The following MYLK variants were observed in gnomAD, a reference collection of about 807,000 sequenced individuals.
MYLK encodes the protein myosin light chain kinase, also known as myosin light chain kinase, smooth muscle.
A neutral mutation model predicts 203.4 loss-of-function variants in MYLK; 106 were observed. The observed-to-expected ratio is 0.52, with a 90% CI of 0.45 to 0.61. MYLK has a LOEUF of 0.61. MYLK is among the 20% of genes least tolerant of loss of function. The probability of loss-of-function intolerance (pLI) is 0.00; values close to 1 mark genes in which losing one functional copy is unlikely to be tolerated. For synonymous variants in MYLK, 867 were observed against 959.5 expected (o/e 0.90, Z 1.78); for missense variants, 2,072 against 2,442.3 (o/e 0.85, Z 3.20).
At chr3:123,726,781 G>A (rs546934345) in intron 11 of MYLK, among the ~76,000 whole-genome samples, 2 of 152,220 alleles carry the variant, frequency 1.3e-5, no homozygotes, top group South Asian at 4.2e-4. Context: ...TGAATTAGGG[G>A]ACATTTTCTA....
At chr3:123,758,193 C>G (rs1164926882) in intron 4 of MYLK, among the ~76,000 whole-genome samples, 2 of 152,150 alleles carry the variant, frequency 1.3e-5, no homozygotes, top group Non-Finnish European at 2.9e-5. Context: ...AGCTTCAGAG[C>G]CTGCGTCTGT....
chr3:123,850,353 CCCA>C (rs2030621430), intron 2 of MYLK, among the ~76,000 whole-genome samples: 1 of 152,204 alleles, frequency 6.6e-6, no homozygotes, highest in South Asian at 2.1e-4. Flanking sequence ...AGTTTACAAT[CCCA>C]CCAACAGTGT....
At chr3:123,857,508 G>A (rs962567519) in intron 2 of MYLK, among the ~76,000 whole-genome samples, 22 of 152,044 alleles carry the variant, frequency 1.4e-4, no homozygotes, top group Non-Finnish European at 2.9e-4. Context: ...GGACATGGAT[G>A]AAATTGGAAA....
intron 31 of MYLK, among the ~76,000 whole-genome samples, chr3:123,625,910 A>G (rs2107964748): frequency 6.6e-6 from 1 of 152,282 alleles, no homozygotes; most frequent in East Asian, 1.9e-4. Flanking sequence ...TTTGGATAAT[A>G]ATTTTATCCA....
chr3:123,709,858 G>A lies in MYLK; in HGVS notation c.1840C>T (p.Pro614Ser), dbSNP rs2061621553. 1 of 1,614,164 alleles carries A rather than the reference G, an allele frequency of 6.2e-7. No homozygotes were observed. Among genetic ancestry groups the A allele is most frequent in the South Asian group, 1.1e-5 (1 of 91,082 alleles). ...GCAGTGGGCTTGCTGGGAGCCACAG[G>A]CAGAAGGTACTCACTCTTCCTGCTA... ...KSSRKSEYLL[P>S]VAPSKPTAPI... Residue 614 changes from proline (P) to serine (S), a missense_variant, in exon 14 of 34, where the codon CCT (proline) becomes TCT (serine). Physicochemically the swap from Pro to Ser is moderately conservative, Grantham distance 74. Around this residue, in one of 3 missense-constraint regions of MYLK, gnomAD observed 865 missense variants for 1,016.0 expected, o/e 0.85. Coordinates refer to ENST00000360304, the MANE Select transcript of MYLK (RefSeq NM_053025.4).
At chr3:123,711,192 T>C (rs549985141) in intron 13 of MYLK, among the ~76,000 whole-genome samples, 1 of 151,478 alleles carries the variant, frequency 6.6e-6, no homozygotes, top group Non-Finnish European at 1.5e-5. Flanking sequence ...AGCAGGTCAG[T>C]AGTGGTGTGG....
intron 1 of MYLK, among the ~76,000 whole-genome samples, chr3:123,878,168 C>A (rs907878867): frequency 1.3e-5 from 2 of 152,166 alleles, no homozygotes; most frequent in Non-Finnish European, 2.9e-5. Context: ...GAGCACAGTG[C>A]CTAGCAGGAC....
At chr3:123,699,127 C>A (rs77792500) in intron 18 of MYLK, among the ~76,000 whole-genome samples, 1 of 152,018 alleles carries the variant, frequency 6.6e-6, no homozygotes, top group East Asian at 1.9e-4. Context: ...CAACCTATCC[C>A]TCCGCTGGCT....
chr3:123,847,935 G>A (rs2030229628), intron 2 of MYLK, among the ~76,000 whole-genome samples: 1 of 151,862 alleles, frequency 6.6e-6, no homozygotes, highest in Non-Finnish European at 1.5e-5. Flanking sequence ...TATCCTCTTA[G>A]ACAGTTTGCA....
chr3:123,819,832 C>CTCCTCTTT (rs900533672), intron 3 of MYLK, among the ~76,000 whole-genome samples: 2 of 107,562 alleles, frequency 1.9e-5, no homozygotes, highest in Non-Finnish European at 3.6e-5. Context: ...CTTTTGAAGA[C>CTCCTCTTT]TCCTCTTTTT....
At chr3:123,675,959 C>A (rs2060060652) in intron 20 of MYLK, among the ~76,000 whole-genome samples, 1 of 152,238 alleles carries the variant, frequency 6.6e-6, no homozygotes, top group Non-Finnish European at 1.5e-5. Context: ...ATTTCTTGCT[C>A]ACCTTCCTCA....
intron 3 of MYLK, among the ~76,000 whole-genome samples, chr3:123,805,821 G>T (rs1026367285): frequency 8.5e-5 from 13 of 152,162 alleles, no homozygotes; most frequent in African/African-American, 3.1e-4. Flanking sequence ...ACATCTGCAG[G>T]GTAGTATGAT....
At chr3:123,644,030 A>C (rs1560007704) in intron 27 of MYLK, among the ~76,000 whole-genome samples, 1 of 152,212 alleles carries the variant, frequency 6.6e-6, no homozygotes. Context: ...ACCAACTACT[A>C]TATGGTGGGG....
intron 5 of MYLK, among the ~76,000 whole-genome samples, chr3:123,742,453 C>T (rs2062882168): frequency 2.6e-5 from 4 of 151,872 alleles, no homozygotes; most frequent in Admixed American, 2.6e-4. Flanking sequence ...TAATTTTATT[C>T]AGCTGTATTT....
intron 31 of MYLK, chr3:123,620,540 G>T: frequency 2.1e-6 from 3 of 1,420,594 alleles, no homozygotes; most frequent in Non-Finnish European, 2.8e-6. Flanking sequence ...GATGTTCAGA[G>T]AATGGAATGG....
At position 123,679,977 on chromosome 3, in the gene MYLK, G is replaced by A. The variant is rs148575623; in HGVS notation, c.3652+2247C>T. On this transcript the variant is annotated intron_variant, in intron 20 of 33. Transcript: ENST00000360304. Reference sequence around the variant, plus strand: ...GGAACAGCTGGTTTCCAGCTTGACTGCACATGACGTGACCTGGAGCTTGAA... The same window carrying A: ...GGAACAGCTGGTTTCCAGCTTGACTACACATGACGTGACCTGGAGCTTGAA... Among the ~76,000 whole-genome samples, 151 of 152,284 alleles carry A rather than the reference G, an allele frequency of 9.9e-4. 1 individual carries two copies. The highest frequency in any genetic ancestry group is 1.9e-3 in the Non-Finnish European group (130 of 68,024).
At chr3:123,781,307 G>A (rs868009875) in intron 4 of MYLK, among the ~76,000 whole-genome samples, 1 of 152,180 alleles carries the variant, frequency 6.6e-6, no homozygotes, top group Non-Finnish European at 1.5e-5. Flanking sequence ...GGGAGCACTG[G>A]GCCACCAAGT....
chr3:123,786,698 C>A (rs951219366), intron 4 of MYLK, among the ~76,000 whole-genome samples: 1 of 152,062 alleles, frequency 6.6e-6, no homozygotes, highest in African/African-American at 2.4e-5. Context: ...GGGATGGATA[C>A]CCCATTCTCT....
chr3:123,675,032 C>G (rs1304392660), intron 20 of MYLK, among the ~76,000 whole-genome samples: 1 of 152,250 alleles, frequency 6.6e-6, no homozygotes, highest in Non-Finnish European at 1.5e-5. Flanking sequence ...TGAGTGAAAC[C>G]CTCAAGGATT....
Sources: allele counts gnomAD v4.1 joint callset (sites outside exome capture counted in the v4.1 genomes callset), GRCh38; gene constraint gnomAD v4.1.1; regional missense constraint gnomAD v4.1.1; transcripts MANE v1.5; gene names NCBI Gene and HGNC (gene_info 2026-07-23, HGNC 2026-07-21).